The following EYA4 variants were observed in gnomAD, a reference collection of about 807,000 sequenced individuals.
EYA4 encodes the protein protein phosphatase EYA4.
A neutral mutation model predicts 87.9 loss-of-function variants in EYA4; 31 were observed. The ratio of observed to expected loss-of-function variants is 0.35; its 90% CI spans 0.27 to 0.48. The LOEUF is 0.48. EYA4 is among the 20% of genes least tolerant of loss of function. The probability of loss-of-function intolerance (pLI) is 0.99; values close to 1 mark genes in which losing one functional copy is unlikely to be tolerated. For synonymous variants in EYA4, 263 were observed against 270.6 expected, an observed-to-expected ratio of 0.97 and a Z score of 0.28; for missense variants, 678 against 761.4, an observed-to-expected ratio of 0.89 and a Z score of 1.29.
chr6:133,526,352 T>C (rs1800629856), intron 19 of EYA4, among the ~76,000 whole-genome samples: 1 of 152,188 alleles, frequency 6.6e-6, no homozygotes. Flanking sequence ...AATAAAGCCT[T>C]TGCCATTTGC....
At chr6:133,498,037 CACA>C (rs1797780770) in intron 13 of EYA4, among the ~76,000 whole-genome samples, 2 of 152,292 alleles carry the variant, frequency 1.3e-5, no homozygotes, top group South Asian at 4.1e-4. Flanking sequence ...ACAGTCTACA[CACA>C]TTTGTGCAGA....
intron 1 of EYA4, among the ~76,000 whole-genome samples, chr6:133,245,565 T>C (rs1774339759): frequency 6.6e-6 from 1 of 152,208 alleles, no homozygotes; most frequent in Non-Finnish European, 1.5e-5. Flanking sequence ...GGCATTGCAG[T>C]GTACCTGCTT....
intron 2 of EYA4, among the ~76,000 whole-genome samples, chr6:133,301,972 T>C (rs555139002): frequency 1.2e-4 from 19 of 152,202 alleles, no homozygotes; most frequent in Non-Finnish European, 2.5e-4. Context: ...AAGTATCAGG[T>C]TGACTTCTTG....
chr6:133,520,827 G>T (rs559978905), intron 17 of EYA4, among the ~76,000 whole-genome samples: 1 of 151,736 alleles, frequency 6.6e-6, no homozygotes, highest in South Asian at 2.1e-4. Flanking sequence ...ACAACTATCT[G>T]ATCTTTGACA....
intron 2 of EYA4, among the ~76,000 whole-genome samples, chr6:133,349,169 C>T (rs532319616): frequency 6.6e-6 from 1 of 152,326 alleles, no homozygotes; most frequent in African/African-American, 2.4e-5. Context: ...TCAGCCCCTT[C>T]GGGTGTTTTC....
At position 133,243,070 on chromosome 6, in the gene EYA4, G is replaced by A. The variant is rs9402491; in HGVS notation, c.-66+1321G>A. ...GGGCGTGTGTTTTGGTTCCAGAGCA[G>A]TTCCACGTGGAGCAACTTCGTGTGT... On this transcript the variant is annotated intron_variant, in intron 1 of 19. Transcript: ENST00000355286. 4.9e-3 allele frequency among the ~76,000 whole-genome samples: 715 copies of A among 145,246 alleles called. 39 individuals carry two copies. In the East Asian group the frequency reaches 0.13, roughly 26 times the overall value.
At chr6:133,493,942 G>T (rs1451727290) in intron 13 of EYA4, among the ~76,000 whole-genome samples, 1 of 152,138 alleles carries the variant, frequency 6.6e-6, no homozygotes, top group African/African-American at 2.4e-5. Flanking sequence ...CAATGAGGTT[G>T]TACAGAAAAG....
chr6:133,331,733 A>G (rs952796353), intron 2 of EYA4, among the ~76,000 whole-genome samples: 3 of 152,202 alleles, frequency 2.0e-5, no homozygotes, highest in African/African-American at 7.2e-5. Context: ...ATACCTTCAG[A>G]TTTGGATTCC....
At chr6:133,395,903 G>A (rs1024939074) in intron 3 of EYA4, among the ~76,000 whole-genome samples, 4 of 152,186 alleles carry the variant, frequency 2.6e-5, no homozygotes, top group Non-Finnish European at 5.9e-5. Flanking sequence ...TTTCAAGAAA[G>A]TCTTGTTTGC....
At chr6:133,448,204 AT>A (rs748903086) in intron 5 of EYA4, 25 bp downstream of exon 5, 1 of 1,572,960 alleles carries the variant, frequency 6.4e-7, no homozygotes, top group Non-Finnish European at 8.8e-7. Flanking sequence ...GGTACACTGC[AT>A]GTGTTTGGGT....
At position 133,528,601 on chromosome 6, in the gene EYA4, G is replaced by A. The variant is rs1434700401; in HGVS notation, c.1840-124G>A. On this transcript the variant is annotated intron_variant, in intron 19 of 19. Transcript: ENST00000355286. ...ATCCCGCCTTTAAACTCTCTCCCCT[G>A]AACTTGGGTGGACCACACATCCCTG... 1.9e-5 allele frequency: 15 copies of A among 807,352 alleles called. No homozygotes were observed. The Admixed American group carries it at 2.5e-4, about 14-fold the overall frequency. The allele number at this position is 807,352 out of a possible 1,614,324, so 50.0% of individuals were successfully genotyped here.
chr6:133,388,746 A>T (rs1287641953), intron 3 of EYA4, among the ~76,000 whole-genome samples: 1 of 152,244 alleles, frequency 6.6e-6, no homozygotes, highest in Non-Finnish European at 1.5e-5. Flanking sequence ...TACAACCAAA[A>T]GGAGGAAGGG....
chr6:133,382,884 G>C (rs886499657), intron 3 of EYA4, among the ~76,000 whole-genome samples: 1 of 151,906 alleles, frequency 6.6e-6, no homozygotes, highest in Non-Finnish European at 1.5e-5. Context: ...GAAACTCATA[G>C]TTAATTTGGC....
intron 2 of EYA4, among the ~76,000 whole-genome samples, chr6:133,357,714 C>T (rs1784174158): frequency 6.6e-6 from 1 of 152,050 alleles, no homozygotes; most frequent in Non-Finnish European, 1.5e-5. Flanking sequence ...TCTTAGGAGG[C>T]ACTCCACACA....
At chr6:133,447,520 C>T (rs900604063) in intron 4 of EYA4, among the ~76,000 whole-genome samples, 1 of 152,018 alleles carries the variant, frequency 6.6e-6, no homozygotes, top group African/African-American at 2.4e-5. Context: ...ATCCATCTAG[C>T]CAATAAATTT....
At chr6:133,339,467 G>A (rs900849377) in intron 2 of EYA4, among the ~76,000 whole-genome samples, 6 of 152,164 alleles carry the variant, frequency 3.9e-5, no homozygotes, top group Non-Finnish European at 7.4e-5. Context: ...TATTAAATTT[G>A]TTTGTTTTTA....
chr6:133,378,707 C>T (rs211604), intron 2 of EYA4, among the ~76,000 whole-genome samples: 135,354 of 152,060 alleles, frequency 0.89, 60,599 homozygotes, highest in East Asian at 0.95. Context: ...CTGTTATTCA[C>T]CCATTCCTTC....
At chr6:133,378,977 A>G (rs79953979) in intron 2 of EYA4, among the ~76,000 whole-genome samples, 13,350 of 145,786 alleles carry the variant, frequency 0.092, 742 homozygotes, top group East Asian at 0.16. Context: ...CTATGGAAAA[A>G]TTTTCAACAT....
chr6:133,422,376 A>G (rs1415207955), intron 3 of EYA4, among the ~76,000 whole-genome samples: 1 of 152,216 alleles, frequency 6.6e-6, no homozygotes, highest in Non-Finnish European at 1.5e-5. Flanking sequence ...ATAAAATTGT[A>G]TGCATAATGC....
Sources: allele counts gnomAD v4.1 joint callset (sites outside exome capture counted in the v4.1 genomes callset), GRCh38; gene constraint gnomAD v4.1.1; transcripts MANE v1.5; gene names NCBI Gene and HGNC (gene_info 2026-07-23, HGNC 2026-07-21).